The following HEATR4 variants were observed in gnomAD, a reference collection of about 807,000 sequenced individuals.
HEATR4 encodes the protein HEAT repeat containing 4, also known as HEAT repeat-containing protein 4.
In HEATR4, 95 loss-of-function variants were observed where a neutral mutation model predicts 108.8. The observed-to-expected ratio is 0.87, with a 90% CI of 0.74 to 1.04. HEATR4 has a LOEUF of 1.04. Ranked by LOEUF, HEATR4 falls within the 50% of genes least tolerant of loss-of-function variation. The probability of loss-of-function intolerance (pLI) is 0.00; values close to 1 mark genes in which losing one functional copy is unlikely to be tolerated. For synonymous variants in HEATR4, 443 were observed against 459.4 expected (o/e 0.96, Z 0.46); for missense variants, 1,152 against 1,253.8 (o/e 0.92, Z 1.23).
intron 1 of HEATR4, among the ~76,000 whole-genome samples, chr14:73,538,160 AT>A (rs1490263965): frequency 3.6e-5 from 4 of 110,810 alleles, no homozygotes; most frequent in South Asian, 2.9e-4. Flanking sequence ...TTTTATTTTT[AT>A]TTTTTTTCGT....
chr14:73,607,863 A>C, the HEATR4 span, among the ~76,000 whole-genome samples: 1 of 151,674 alleles, frequency 6.6e-6, no homozygotes, highest in Non-Finnish European at 1.5e-5. Context: ...AACTCAGGTG[A>C]TCCACCCACC....
intron 8 of HEATR4, among the ~76,000 whole-genome samples, chr14:73,508,884 C>T (rs1887023012): frequency 6.6e-6 from 1 of 151,438 alleles, no homozygotes; most frequent in Non-Finnish European, 1.5e-5. Context: ...CTTGCTCTGT[C>T]ACCCAGGTTG....
the HEATR4 span, among the ~76,000 whole-genome samples, chr14:73,573,915 C>T: frequency 2.0e-5 from 3 of 151,932 alleles, no homozygotes; most frequent in East Asian, 1.9e-4. Flanking sequence ...TTAGTGGAGG[C>T]GGGGTTTCAC....
the HEATR4 span, among the ~76,000 whole-genome samples, chr14:73,594,891 G>C: frequency 6.6e-6 from 1 of 152,058 alleles, no homozygotes. Context: ...TTTTAATAGA[G>C]ACAGGGTTCT....
the HEATR4 span, chr14:73,633,629 A>C: frequency 5.3e-5 from 8 of 152,206 alleles, no homozygotes; most frequent in African/African-American, 1.7e-4. Context: ...GCCAGTGAGG[A>C]AATTCAGAGG....
At chr14:73,564,629 A>C in the HEATR4 span, among the ~76,000 whole-genome samples, 1 of 151,732 alleles carries the variant, frequency 6.6e-6, no homozygotes. Flanking sequence ...AAACAAATAA[A>C]CAAATACTAT....
chr14:73,625,626 G>A, the HEATR4 span, among the ~76,000 whole-genome samples: 1 of 152,210 alleles, frequency 6.6e-6, no homozygotes, highest in African/African-American at 2.4e-5. Flanking sequence ...CTCCCAAAGT[G>A]CTGGGATTAC....
At chr14:73,491,043 G>A (rs1376507035) in intron 17 of HEATR4, 2 of 1,586,132 alleles carry the variant, frequency 1.3e-6, no homozygotes, top group Non-Finnish European at 1.7e-6. Context: ...GCCAGTGCAG[G>A]GCCGTTGAGG....
chr14:73,490,968 T>G (rs755391492), intron 17 of HEATR4: 1 of 1,308,546 alleles, frequency 7.6e-7, no homozygotes, highest in East Asian at 3.1e-5. Context: ...AGGAACCGCT[T>G]TAGCTTCGCC....
chr14:73,612,495 T>C, the HEATR4 span: 1 of 1,023,378 alleles, frequency 9.8e-7, no homozygotes, highest in Non-Finnish European at 1.3e-6. Context: ...TCGACTACTT[T>C]CCAGCGCTCG....
chr14:73,611,443 A>T, the HEATR4 span: 1 of 152,112 alleles, frequency 6.6e-6, no homozygotes, highest in Non-Finnish European at 1.5e-5. Flanking sequence ...ATCTTGTTTC[A>T]TTGTTTTTGT....
chr14:73,629,042 C>T, the HEATR4 span, among the ~76,000 whole-genome samples: 482 of 142,958 alleles, frequency 3.4e-3, no homozygotes, highest in Non-Finnish European at 5.1e-3. Flanking sequence ...GCAACAAGAG[C>T]GAGAGTATGT....
At chr14:73,557,879 G>C (rs1451223727) in intron 1 of HEATR4, among the ~76,000 whole-genome samples, 1 of 93,074 alleles carries the variant, frequency 1.1e-5, no homozygotes, top group African/African-American at 3.5e-5. Flanking sequence ...TTTTTTTGTA[G>C]AGACAGGGTC....
At chr14:73,601,094 T>C in the HEATR4 span, among the ~76,000 whole-genome samples, 9 of 151,788 alleles carry the variant, frequency 5.9e-5, no homozygotes, top group Non-Finnish European at 1.2e-4. Flanking sequence ...TAAGCCGAGA[T>C]TGTACCACTG....
In HEATR4 at chr14:73,522,557, G is replaced by T. The variant is rs538546464; in HGVS notation, c.596C>A (p.Ala199Asp). The change falls in exon 3 of 18, where the codon GCC becomes GAC. Residue 199 changes from alanine (A) to aspartate (D), a missense_variant. Ala to Asp is a moderately radical substitution (Grantham distance 126). Coordinates refer to ENST00000553558, the MANE Select transcript of HEATR4 (RefSeq NM_001220484.1). ...CAGCACAGTGGCCTCCCACGCTCTG[G>T]CCTCCTTCTCAGGAGGCAGAAGCCA... ...EAWLLPPEKE[A>D]RAWEATVLEK... 1.2e-6 allele frequency: 2 copies of T among 1,614,136 alleles called. No individual in the cohort carries two copies. Among genetic ancestry groups the T allele is most frequent in the East Asian group, 4.5e-5 (2 of 44,880 alleles).
At chr14:73,590,079 G>A in the HEATR4 span, among the ~76,000 whole-genome samples, 8,470 of 152,150 alleles carry the variant, frequency 0.056, 310 homozygotes, top group South Asian at 0.11. Context: ...AAACCTTCCC[G>A]CAACGTAGAA....
chr14:73,510,975 C>G (rs979991856), intron 7 of HEATR4, among the ~76,000 whole-genome samples: 2 of 152,202 alleles, frequency 1.3e-5, no homozygotes, highest in Non-Finnish European at 2.9e-5. Flanking sequence ...TAGCTCTTCT[C>G]AGTCCCAATG....
At chr14:73,479,459 A>T (rs1165755324) in intron 17 of HEATR4, among the ~76,000 whole-genome samples, 80 of 97,052 alleles carry the variant, frequency 8.2e-4, no homozygotes, top group Admixed American at 5.1e-4. Flanking sequence ...TTTTTTTGAG[A>T]CGGAGTTTCG....
chr14:73,578,815 G>T, the HEATR4 span, among the ~76,000 whole-genome samples: 1 of 151,660 alleles, frequency 6.6e-6, no homozygotes, highest in Non-Finnish European at 1.5e-5. Context: ...GGCCAGGCGC[G>T]GTGGCTCATG....
Sources: allele counts gnomAD v4.1 joint callset (sites outside exome capture counted in the v4.1 genomes callset), GRCh38; gene constraint gnomAD v4.1.1; transcripts MANE v1.5; gene names NCBI Gene and HGNC (gene_info 2026-07-23, HGNC 2026-07-21).